The following MTUS1 variants were observed in gnomAD, a reference collection of about 807,000 sequenced individuals.
MTUS1 encodes the protein microtubule-associated tumor suppressor 1.
MTUS1 carries 109 observed loss-of-function variants against 120.8 expected under a neutral mutation model. The ratio of observed to expected loss-of-function variants is 0.90; its 90% CI spans 0.77 to 1.06. The LOEUF (loss-of-function observed/expected upper bound fraction) is 1.06. Among genes scored for constraint, MTUS1 ranks in the 50% least tolerant of loss-of-function variants. The pLI is 0.00. For synonymous variants in MTUS1, 737 were observed against 550.5 expected (o/e 1.34, Z -4.74); for missense variants, 2,210 against 1,486.3 (o/e 1.49, Z -8.01).
At chr8:17,653,823 G>A in intron 10 of MTUS1, 1 of 231,710 alleles carries the variant, frequency 4.3e-6, no homozygotes, top group Non-Finnish European at 8.2e-6. Context: ...CTCCTGGTCT[G>A]GAAACCCTGT....
chr8:17,703,200 A>G (rs974798862), intron 6 of MTUS1, among the ~76,000 whole-genome samples: 10 of 152,222 alleles, frequency 6.6e-5, no homozygotes, highest in African/African-American at 2.4e-4. Context: ...CAGAGAGCCT[A>G]TAAATGGACG....
chr8:17,695,906 G>T (rs946055935), intron 6 of MTUS1, among the ~76,000 whole-genome samples: 2 of 152,092 alleles, frequency 1.3e-5, no homozygotes, highest in African/African-American at 4.8e-5. Context: ...GAGCAGACAG[G>T]GACTCTGGGT....
At chr8:17,727,074 C>T (rs572762234) in intron 3 of MTUS1, among the ~76,000 whole-genome samples, 10 of 152,302 alleles carry the variant, frequency 6.6e-5, no homozygotes, top group Admixed American at 5.2e-4. Flanking sequence ...CCTGACCTCC[C>T]CTATCTCATT....
intron 6 of MTUS1, among the ~76,000 whole-genome samples, chr8:17,703,186 C>T (rs987227774): frequency 3.3e-5 from 5 of 152,172 alleles, no homozygotes; most frequent in African/African-American, 1.2e-4. Context: ...TATTTTTCTT[C>T]TTGCAGAGAG....
intron 8 of MTUS1, among the ~76,000 whole-genome samples, chr8:17,657,409 A>C (rs543814671): frequency 1.3e-5 from 2 of 151,280 alleles, no homozygotes; most frequent in African/African-American, 2.4e-5. Context: ...TCTACTAAAA[A>C]TACAAAAAAT....
intron 6 of MTUS1, among the ~76,000 whole-genome samples, chr8:17,691,001 A>G (rs1007779971): frequency 1.4e-4 from 5 of 34,882 alleles, no homozygotes; most frequent in Admixed American, 8.9e-4. Context: ...GCATCATTAC[A>G]TTAATTTATA....
At chr8:17,667,751 G>C (rs1232646595) in intron 8 of MTUS1, among the ~76,000 whole-genome samples, 1 of 152,156 alleles carries the variant, frequency 6.6e-6, no homozygotes, top group African/African-American at 2.4e-5. Context: ...AGCCATCTTG[G>C]GTTCTTATGC....
At chr8:17,666,967 G>A (rs1315055206) in intron 8 of MTUS1, among the ~76,000 whole-genome samples, 1 of 152,116 alleles carries the variant, frequency 6.6e-6, no homozygotes, top group Non-Finnish European at 1.5e-5. Flanking sequence ...TTTCAACCAG[G>A]TCTATTTTCG....
chr8:17,696,334 CA>C (rs1203106857), intron 6 of MTUS1, among the ~76,000 whole-genome samples: 2 of 151,846 alleles, frequency 1.3e-5, no homozygotes, highest in African/African-American at 4.8e-5. Context: ...CAGCTGAAAA[CA>C]AATCACCAGG....
chr8:17,666,478 ATATG>A (rs1043796356), intron 8 of MTUS1, among the ~76,000 whole-genome samples: 3 of 152,164 alleles, frequency 2.0e-5, no homozygotes, highest in African/African-American at 4.8e-5. Context: ...TATGCTTGAG[ATATG>A]TATGTATTTT....
intron 8 of MTUS1, among the ~76,000 whole-genome samples, chr8:17,673,740 C>T (rs774511471): frequency 1.3e-5 from 2 of 152,188 alleles, no homozygotes; most frequent in Non-Finnish European, 2.9e-5. Flanking sequence ...CAGGTGTGAG[C>T]TACCACACCC....
intron 6 of MTUS1, among the ~76,000 whole-genome samples, chr8:17,706,971 T>C (rs1229947772): frequency 6.6e-6 from 1 of 152,202 alleles, no homozygotes; most frequent in Non-Finnish European, 1.5e-5. Flanking sequence ...AAAGTGATTA[T>C]TTTACTAGAA....
intron 1 of MTUS1, among the ~76,000 whole-genome samples, chr8:17,756,268 G>C (rs2048602537): frequency 6.6e-6 from 1 of 152,192 alleles, no homozygotes; most frequent in South Asian, 2.1e-4. Flanking sequence ...GAGAGGAGGA[G>C]GTAAATCTGG....
chr8:17,705,471 G>C (rs1257180264), intron 6 of MTUS1, among the ~76,000 whole-genome samples: 1 of 152,140 alleles, frequency 6.6e-6, no homozygotes, highest in Non-Finnish European at 1.5e-5. Flanking sequence ...CTGCTAAAAA[G>C]GTAGTCACTG....
intron 2 of MTUS1, among the ~76,000 whole-genome samples, chr8:17,744,689 CT>C (rs58283163): frequency 0.17 from 16,643 of 99,198 alleles, 461 homozygotes; most frequent in Non-Finnish European, 0.19. Flanking sequence ...ACCATGTTTT[CT>C]TTTTTTTTTT....
rs750865767 is a variant in MTUS1 at position 17,675,240 on chromosome 8, G to C, written c.2851C>G (p.Leu951Val). The change falls in exon 8 of 15, where the codon CTG becomes GTG. Residue 951 changes from leucine to valine, a missense_variant. Physicochemically the swap from Leu to Val is conservative, Grantham distance 32. Transcript: ENST00000693296. ...QHLLSEREEALKQHKTLSQEL... is the reference protein window; with the variant it reads ...QHLLSEREEAVKQHKTLSQEL... ...TGAGATAGGGTTTTGTGTTGTTTCA[G>C]TGCTTCCTCCCGCTGCGGAAAACAC... is the stretch of plus-strand genomic sequence containing the variant. 2 of 1,613,996 alleles carry C rather than the reference G, an allele frequency of 1.2e-6. No homozygotes were observed. Among genetic ancestry groups the C allele is most frequent in the Admixed American group, 1.7e-5 (1 of 59,998 alleles).
At chr8:17,797,716 G>A (rs970135072) in intron 1 of MTUS1, among the ~76,000 whole-genome samples, 2 of 152,166 alleles carry the variant, frequency 1.3e-5, no homozygotes, top group African/African-American at 4.8e-5. Context: ...ATTTTTAAGT[G>A]CCCCTAAGCA....
intron 1 of MTUS1, among the ~76,000 whole-genome samples, chr8:17,789,482 T>C (rs777160793): frequency 2.0e-5 from 3 of 152,190 alleles, no homozygotes; most frequent in African/African-American, 7.2e-5. Context: ...TAAATGACCA[T>C]GAACATTTCC....
intron 6 of MTUS1, among the ~76,000 whole-genome samples, chr8:17,690,869 A>G (rs1164664203): frequency 6.6e-6 from 1 of 152,194 alleles, no homozygotes; most frequent in Non-Finnish European, 1.5e-5. Context: ...ATACAGAAAT[A>G]TGATATTCAA....
Sources: gnomAD v4.1 joint callset for allele counts (sites outside exome capture counted in the v4.1 genomes callset) on GRCh38, gnomAD v4.1.1 for gene constraint, MANE v1.5 for transcripts, NCBI Gene and HGNC (gene_info 2026-07-23, HGNC 2026-07-21) for gene names.